FN1: variants seen among roughly 807,000 people sequenced by gnomAD.
FN1 encodes the protein fibronectin.
In FN1, 106 loss-of-function variants were observed where a neutral mutation model predicts 297.3. The ratio of observed to expected loss-of-function variants is 0.36; its 90% CI spans 0.30 to 0.42. The LOEUF is 0.42. Ranked by LOEUF, FN1 falls within the 10% of genes least tolerant of loss-of-function variation. The pLI is 1.00. For synonymous variants in FN1, 1,149 were observed against 1,152.6 expected, an observed-to-expected ratio of 1.00 and a Z score of 0.06; for missense variants, 2,690 against 3,124.9, an observed-to-expected ratio of 0.86 and a Z score of 3.32.
At chr2:215,368,909 A>G (rs2055238773) in intron 41 of FN1, among the ~76,000 whole-genome samples, 1 of 152,216 alleles carries the variant, frequency 6.6e-6, no homozygotes, top group Non-Finnish European at 1.5e-5. Flanking sequence ...AACTAATTTG[A>G]CTTAAAATCC....
At chr2:215,397,542 T>C (rs1305093183) in intron 22 of FN1, 138 bp downstream of exon 22, 9 of 744,298 alleles carry the variant, frequency 1.2e-5, no homozygotes, top group Admixed American at 2.1e-5. Context: ...AATTCAGGAA[T>C]AGCATTAATA....
Position 215,384,995 on chromosome 2 carries a change from C to A in FN1, c.4613-19G>T. On this transcript the variant is annotated intron_variant, in intron 28 of 45. Coordinates refer to ENST00000354785, the MANE Select transcript of FN1 (RefSeq NM_212482.4). ...TCAGAAACTAGAAAAAAAAGGGAAA[C>A]TTTTCACATCCGTAATTTTCAAACA... 5.4e-6 allele frequency: 8 copies of A among 1,476,296 alleles called. No individual in the cohort carries two copies. The highest frequency in any genetic ancestry group is 7.6e-6 in the Non-Finnish European group (8 of 1,054,470). 91.4% of individuals were successfully genotyped at this position (1,476,296 alleles called of 1,614,324 possible).
rs776023777 is a variant in FN1, at chr2:215,372,284, G to A, written c.6339C>T (p.Phe2113=). The A allele has an allele frequency of 9.9e-6, 16 of 1,614,076 alleles. No individual in the cohort carries two copies. The highest frequency in any genetic ancestry group is 6.7e-5 in the Admixed American group (4 of 60,004). ...DVPSTVQKTP[F]VTHPGYDTGN... ...CAGTGTCATACCCAGGGTGGGTGACGAAAGGGGTCTTTTGAACTGTGGAAG... is the reference window on the plus strand; with the variant it reads ...CAGTGTCATACCCAGGGTGGGTGACAAAAGGGGTCTTTTGAACTGTGGAAG... Residue 2113 remains phenylalanine, a synonymous_variant, in exon 40 of 46, where the codon TTC becomes TTT. Transcript: ENST00000354785.
At chr2:215,394,095 A>T (rs1032759794) in intron 24 of FN1, among the ~76,000 whole-genome samples, 2 of 152,248 alleles carry the variant, frequency 1.3e-5, no homozygotes, top group Non-Finnish European at 2.9e-5. Context: ...CAGTGCTCAC[A>T]TACAGGGACA....
rs755039285 is a variant in FN1, at chr2:215,397,786, G to C, written c.3411C>G (p.Ser1137Arg). 2.5e-6 allele frequency: 4 copies of C among 1,613,986 alleles called. No individual in the cohort carries two copies. In the Admixed American group the frequency reaches 6.7e-5, roughly 27 times the overall value. Reference protein sequence around the residue: ...APREVTSDSGSIVVSGLTPGV... With the variant: ...APREVTSDSGRIVVSGLTPGV... ...CTGGAGTCAAGCCGGACACAACGATGCTTCCTGAGTCTGAAGTCACTTCTC... is the reference window on the plus strand; with the variant it reads ...CTGGAGTCAAGCCGGACACAACGATCCTTCCTGAGTCTGAAGTCACTTCTC... The change falls in exon 22 of 46, where the codon AGC becomes AGG. Residue 1137 changes from serine (S) to arginine (R), a missense_variant. By Grantham distance (110) the Ser-to-Arg change is moderately radical. Coordinates refer to ENST00000354785, the MANE Select transcript of FN1 (RefSeq NM_212482.4).
intron 29 of FN1, chr2:215,384,592 C>T (rs903659117): frequency 5.6e-5 from 23 of 408,592 alleles, no homozygotes; most frequent in African/African-American, 4.4e-4. Flanking sequence ...TTATTTCCAC[C>T]ACTGATAATA....
At chr2:215,398,787 C>G (rs577403840) in intron 21 of FN1, among the ~76,000 whole-genome samples, 2 of 152,284 alleles carry the variant, frequency 1.3e-5, no homozygotes, top group East Asian at 1.9e-4. Flanking sequence ...ATCTTAACTT[C>G]TATTAAGAGA....
chr2:215,369,466 T>G (rs182682371), intron 41 of FN1, among the ~76,000 whole-genome samples: 5 of 152,304 alleles, frequency 3.3e-5, no homozygotes, highest in Admixed American at 2.6e-4. Context: ...GGGGCTAAAA[T>G]TAAACAACTG....
intron 11 of FN1, among the ~76,000 whole-genome samples, chr2:215,420,365 AAAC>A (rs759299127): frequency 1.2e-4 from 16 of 134,236 alleles, no homozygotes; most frequent in East Asian, 1.2e-3. Context: ...AAACAAAAAC[AAAC>A]AAAAAAAAAA....
intron 12 of FN1, among the ~76,000 whole-genome samples, chr2:215,418,810 G>A (rs974061058): frequency 2.0e-5 from 3 of 152,186 alleles, no homozygotes; most frequent in African/African-American, 2.4e-5. Flanking sequence ...AGGGAGCTTA[G>A]ATGACATGTT....
chr2:215,382,947 AATATTAGGTGGTCC>A (rs1369197321), intron 31 of FN1, among the ~76,000 whole-genome samples: 1 of 152,164 alleles, frequency 6.6e-6, no homozygotes, highest in African/African-American at 2.4e-5. Flanking sequence ...TATAAAAAAG[AATATTAGGTGGTCC>A]TACCCCATCT....
In FN1 at chr2:215,422,129, C is replaced by A. The variant is rs552465703; in HGVS notation, c.1508G>T (p.Arg503Leu). The change falls in exon 10 of 46, where the codon CGT becomes CTT. Residue 503 changes from arginine (R) to leucine (L), a missense_variant. Arg to Leu is a moderately radical substitution (Grantham distance 102). Transcript: ENST00000354785. Reference protein sequence around the residue: ...MMRCTCVGNGRGEWTCIAYSQ... With the variant: ...MMRCTCVGNGLGEWTCIAYSQ... Reference sequence around the variant, plus strand: ...GTAGGCAATGCATGTCCATTCCCCACGACCATTCCCAACACACGTGCACCT... The same window carrying A: ...GTAGGCAATGCATGTCCATTCCCCAAGACCATTCCCAACACACGTGCACCT... The A allele has an allele frequency of 2.5e-6, 4 of 1,614,180 alleles. No individual in the cohort carries two copies. Among genetic ancestry groups the A allele is most frequent in the Non-Finnish European group, 3.4e-6 (4 of 1,180,020 alleles).
chr2:215,394,433 A>G (rs776125523), intron 24 of FN1, 95 bp downstream of exon 24: 3 of 1,088,592 alleles, frequency 2.8e-6, no homozygotes, highest in Non-Finnish European at 4.3e-6. Context: ...AATCCCAAAT[A>G]TAGTTGACAC....
At position 215,393,303 on chromosome 2, in the gene FN1, A is replaced by C. The variant is rs965116524; in HGVS notation, c.3797-100T>G. On this transcript the variant is annotated intron_variant, in intron 24 of 45. Coordinates refer to ENST00000354785, the MANE Select transcript of FN1 (RefSeq NM_212482.4). ...GTGTATATCAGGTTACTAGTAGTAAAATTGGTGGAATGTTAAAGCAATGAT... is the reference window on the plus strand; with the variant it reads ...GTGTATATCAGGTTACTAGTAGTAACATTGGTGGAATGTTAAAGCAATGAT... 7.0e-6 allele frequency: 8 copies of C among 1,135,048 alleles called. No homozygotes were observed. In the African/African-American group the frequency reaches 1.2e-4, roughly 18 times the overall value. The allele number at this position is 1,135,048 out of a possible 1,614,324, so 70.3% of individuals were successfully genotyped here. A position where few individuals can be genotyped will look rare whatever the true frequency, so the allele number is the denominator to read the frequency against.
At chr2:215,375,459 C>G in intron 37 of FN1, 66 bp from the exon 38 acceptor site, 1 of 1,482,212 alleles carries the variant, frequency 6.7e-7, no homozygotes, top group Non-Finnish European at 9.3e-7. Context: ...CCACACTTTT[C>G]TCCCGAGCCG....
At chr2:215,407,874 T>C (rs2061975224) in intron 17 of FN1, among the ~76,000 whole-genome samples, 1 of 152,076 alleles carries the variant, frequency 6.6e-6, no homozygotes, top group African/African-American at 2.4e-5. Flanking sequence ...TGTGTGTATG[T>C]TGTGGTGTGT....
chr2:215,435,103 A>T (rs539739551), intron 1 of FN1, among the ~76,000 whole-genome samples: 1 of 152,316 alleles, frequency 6.6e-6, no homozygotes, highest in Non-Finnish European at 1.5e-5. Context: ...CAGCTTTCTC[A>T]AAGCAAAAGG....
At chr2:215,419,142 A>T in intron 12 of FN1, 100 bp downstream of exon 12, 1 of 973,648 alleles carries the variant, frequency 1.0e-6, no homozygotes, top group Non-Finnish European at 1.7e-6. Context: ...GGTGGGAAAG[A>T]GGGGAGACCC....
chr2:215,426,976 T>C (rs1183842854), intron 6 of FN1, among the ~76,000 whole-genome samples: 7 of 151,820 alleles, frequency 4.6e-5, no homozygotes, highest in African/African-American at 2.4e-5. Context: ...CCCGGGTTCA[T>C]GCCATTCTCC....
Sources: allele counts gnomAD v4.1 joint callset (sites outside exome capture counted in the v4.1 genomes callset), GRCh38; gene constraint gnomAD v4.1.1; transcripts MANE v1.5; gene names NCBI Gene and HGNC (gene_info 2026-07-23, HGNC 2026-07-21).